DNAH9: variants seen among roughly 807,000 people sequenced by gnomAD.
DNAH9 encodes the protein DNAH9 variant protein.
A neutral mutation model predicts 471.6 loss-of-function variants in DNAH9; 345 were observed. The ratio of observed to expected loss-of-function variants is 0.73; its 90% CI spans 0.67 to 0.80. The LOEUF is 0.80. Among genes scored for constraint, DNAH9 ranks in the 30% least tolerant of loss-of-function variants. The pLI, the probability that DNAH9 is intolerant of heterozygous loss-of-function variation, is 0.00. For synonymous variants in DNAH9, 2,093 were observed against 2,123.6 expected (o/e 0.99, Z 0.40); for missense variants, 5,407 against 5,609.2 (o/e 0.96, Z 1.15).
At chr17:11,898,054 A>G (rs1024929367) in intron 59 of DNAH9, among the ~76,000 whole-genome samples, 3 of 151,234 alleles carry the variant, frequency 2.0e-5, no homozygotes, top group African/African-American at 7.3e-5. Context: ...CTCCATCTTC[A>G]CATCTTCACA....
chr17:11,838,847 T>C (rs1970934554), intron 49 of DNAH9, among the ~76,000 whole-genome samples: 1 of 152,190 alleles, frequency 6.6e-6, no homozygotes, highest in Non-Finnish European at 1.5e-5. Context: ...ACTCCTCGAC[T>C]GTCTTTAAAC....
rs777289864 is a variant in DNAH9 at position 11,690,062 on chromosome 17, C to T, written c.4240C>T (p.His1414Tyr). 1 of 1,614,186 alleles carries T rather than the reference C, an allele frequency of 6.2e-7. No homozygotes were observed. The highest frequency in any genetic ancestry group is 8.5e-7 in the Non-Finnish European group (1 of 1,180,032). ...AGCGCACCTGCTGCAGCTCCAGCTG[C>T]ACCACTATGAGGATGAGGTCCGGGG... ...TLAHLLQLQL[H>Y]HYEDEVRGIV... is the part of the protein sequence containing the mutation. The change falls in exon 20 of 69, where the codon CAC becomes TAC. Residue 1414 changes from histidine (H) to tyrosine (Y), a missense_variant. Physicochemically the swap from His to Tyr is moderately conservative, Grantham distance 83. Transcript: ENST00000262442.
chr17:11,598,545 ATG>A lies in DNAH9; in HGVS notation c.48_49del (p.Asp16GlufsTer35). 7.1e-7 allele frequency: 1 copy of A among 1,408,018 alleles called. No homozygotes were observed. Among genetic ancestry groups the A allele is most frequent in the Non-Finnish European group, 9.2e-7 (1 of 1,088,556 alleles). The allele number at this position is 1,408,018 out of a possible 1,614,324, so 87.2% of individuals were successfully genotyped here. A position where few individuals can be genotyped will look rare whatever the true frequency, so the allele number is the denominator to read the frequency against. ...GCCGCGCTCGCGGCGGAGAACGCGG[ATG>A]GGGAACCCGGCGCCGACCGACGACT... On this transcript the variant is annotated frameshift_variant, in exon 1 of 69. Transcript: ENST00000262442. LOFTEE classifies it high-confidence loss of function.
intron 67 of DNAH9, among the ~76,000 whole-genome samples, chr17:11,958,741 A>AAT (rs1555530088): frequency 6.8e-4 from 104 of 152,218 alleles, no homozygotes; most frequent in African/African-American, 2.3e-3. Context: ...TAAAAAAAAA[A>AAT]AAATAAAGTA....
chr17:11,640,811 C>T (rs1567683235), intron 10 of DNAH9, among the ~76,000 whole-genome samples: 1 of 152,178 alleles, frequency 6.6e-6, no homozygotes, highest in Non-Finnish European at 1.5e-5. Context: ...GTTAAAGATG[C>T]ACATTCCAGG....
chr17:11,706,662 T>C (rs891691756), intron 26 of DNAH9, among the ~76,000 whole-genome samples: 1 of 152,154 alleles, frequency 6.6e-6, no homozygotes, highest in Non-Finnish European at 1.5e-5. Context: ...TGGATTCCAG[T>C]AGGATTTAAA....
intron 49 of DNAH9, among the ~76,000 whole-genome samples, chr17:11,843,841 T>G (rs9797273): frequency 3.4e-4 from 24 of 69,858 alleles, no homozygotes; most frequent in Non-Finnish European, 5.5e-4. Flanking sequence ...GTATATGTGT[T>G]TGTGTGTGTG....
Position 11,937,216 on chromosome 17 carries a change from G to A in DNAH9, c.12490-136G>A. 9.0e-7 allele frequency: 1 copy of A among 1,113,558 alleles called. No homozygotes were observed. The highest frequency in any genetic ancestry group is 1.3e-6 in the Non-Finnish European group (1 of 798,152). The allele number at this position is 1,113,558 out of a possible 1,614,324, so 69.0% of individuals were successfully genotyped here. On this transcript the variant is annotated intron_variant, in intron 65 of 68. Transcript: ENST00000262442. The surrounding 1 kb of genome is among the most constrained non-coding windows in gnomAD (Gnocchi z 4.1). ...ACTAATAGGTGGAGAGGGTGATGAA[G>A]TCAACCAGGGATGGTGAGCAGTGTC... is the stretch of plus-strand genomic sequence containing the variant.
rs568174933 is a variant in DNAH9 at position 11,908,307 on chromosome 17, T to A, written c.11749+2498T>A. Among the ~76,000 whole-genome samples, 4 of 152,312 alleles carry A rather than the reference T, an allele frequency of 2.6e-5. No homozygotes were observed. In the South Asian group the frequency reaches 8.3e-4, roughly 32 times the overall value. On this transcript the variant is annotated intron_variant, in intron 61 of 68. Transcript: ENST00000262442. ...TTTTTCTATATTCTTCTAAAACAAA[T>A]TTTTTAATTGACAAATAATAATTGC...
intron 38 of DNAH9, among the ~76,000 whole-genome samples, chr17:11,779,435 T>A (rs140777795): frequency 6.6e-6 from 1 of 152,154 alleles, no homozygotes; most frequent in Admixed American, 6.5e-5. Flanking sequence ...ATCAACAATG[T>A]GCCTGTCTTT....
chr17:11,754,903 A>G (rs1967309821), intron 33 of DNAH9, among the ~76,000 whole-genome samples: 3 of 152,126 alleles, frequency 2.0e-5, no homozygotes, highest in African/African-American at 7.2e-5. Flanking sequence ...ATCTTTGCGC[A>G]TTCTTATGGC....
Position 11,883,743 on chromosome 17 carries a change from A to G in DNAH9, c.10964A>G (p.Glu3655Gly), listed in dbSNP as rs1464711056. 6.2e-7 allele frequency: 1 copy of G among 1,613,604 alleles called. No homozygotes were observed. Among genetic ancestry groups the G allele is most frequent in the Non-Finnish European group, 8.5e-7 (1 of 1,179,930 alleles). The change falls in exon 56 of 69, where the codon GAG becomes GGG. Residue 3655 changes from glutamate (E) to glycine (G), a missense_variant. Glu to Gly is a moderately conservative substitution (Grantham distance 98). Transcript: ENST00000262442. ...EITKQTAAEV[E>G]KKVQEAKVTE... is the part of the protein sequence containing the mutation. ...ACCAAGCAGACTGCTGCCGAAGTTG[A>G]GAAAAAGGTAAAACTCCTCTGGCTA...
intron 26 of DNAH9, among the ~76,000 whole-genome samples, chr17:11,714,170 C>T (rs1395621393): frequency 6.6e-6 from 1 of 152,136 alleles, no homozygotes; most frequent in Non-Finnish European, 1.5e-5. Flanking sequence ...TCTATTAATG[C>T]GATTTCTCAC....
intron 28 of DNAH9, among the ~76,000 whole-genome samples, chr17:11,734,747 G>A (rs1339566990): frequency 6.6e-6 from 1 of 152,224 alleles, no homozygotes; most frequent in Non-Finnish European, 1.5e-5. Context: ...AGACTCAGTT[G>A]CTGCTAAATC....
intron 67 of DNAH9, among the ~76,000 whole-genome samples, chr17:11,946,952 A>G (rs1446374346): frequency 6.6e-6 from 1 of 152,180 alleles, no homozygotes; most frequent in African/African-American, 2.4e-5. Flanking sequence ...TGAAAAAGAT[A>G]TTGTTATTCA....
intron 35 of DNAH9, 79 bp downstream of exon 35, chr17:11,757,771 T>C: frequency 6.9e-7 from 1 of 1,454,984 alleles, no homozygotes; most frequent in East Asian, 2.4e-5. Context: ...GTCCTGCTGA[T>C]GTTCTGTCCT....
At chr17:11,704,553 C>A in intron 25 of DNAH9, 111 bp downstream of exon 25, 5 of 970,592 alleles carry the variant, frequency 5.2e-6, no homozygotes, top group Non-Finnish European at 7.4e-6. Context: ...GACCAGACAG[C>A]TGGGGGAGGA....
chr17:11,657,911 G>A (rs1338072994), intron 14 of DNAH9, among the ~76,000 whole-genome samples: 1 of 152,002 alleles, frequency 6.6e-6, no homozygotes, highest in Non-Finnish European at 1.5e-5. Flanking sequence ...TTGATCAAGA[G>A]AAAATTGATT....
At chr17:11,697,520 C>T (rs1183640447) in intron 22 of DNAH9, among the ~76,000 whole-genome samples, 1 of 152,120 alleles carries the variant, frequency 6.6e-6, no homozygotes, top group Non-Finnish European at 1.5e-5. Context: ...GTTAATTTAT[C>T]CCTAAAACAT....
Sources: allele counts gnomAD v4.1 joint callset (sites outside exome capture counted in the v4.1 genomes callset), GRCh38; gene constraint gnomAD v4.1.1; non-coding constraint Gnocchi (gnomAD v3.1); transcripts MANE v1.5; gene names NCBI Gene and HGNC (gene_info 2026-07-23, HGNC 2026-07-21).